Variants in CATSPERD observed in about 807,000 individuals in gnomAD.
The protein encoded by CATSPERD is cation channel sperm-associated auxiliary subunit delta.
CATSPERD carries 86 observed loss-of-function variants against 98.1 expected under a neutral mutation model. The observed-to-expected ratio is 0.88, with a 90% CI of 0.74 to 1.05. CATSPERD has a LOEUF of 1.05. Ranked by LOEUF, CATSPERD falls within the 50% of genes least tolerant of loss-of-function variation. The pLI, the probability that CATSPERD is intolerant of heterozygous loss-of-function variation, is 0.00. For missense variants in CATSPERD, 995 were observed against 1,005.7 expected (o/e 0.99, Z 0.14); for synonymous variants, 394 against 390.2 (o/e 1.01, Z -0.12).
rs1483931134 is a variant in CATSPERD at position 5,751,759 on chromosome 19, A to T, written c.1100A>T (p.Gln367Leu). 8.1e-6 allele frequency: 13 copies of T among 1,613,864 alleles called. No individual in the cohort carries two copies. The highest frequency in any genetic ancestry group is 1.1e-5 in the Non-Finnish European group (13 of 1,179,968). The change falls in exon 12 of 22, where the codon CAG becomes CTG. Residue 367 changes from glutamine to leucine, a missense_variant. Transcript: ENST00000381624. ...ACAGCCTTTCCAGCTTTTGATTTCC[A>T]GAAGTGCCTCGTGAATATCCAGGCG... ...RDTAFPAFDF[Q>L]KCLVNIQALL... is the part of the protein sequence containing the mutation.
intron 2 of CATSPERD, among the ~76,000 whole-genome samples, chr19:5,725,359 C>G (rs1164281922): frequency 6.6e-6 from 1 of 152,088 alleles, no homozygotes; most frequent in African/African-American, 2.4e-5. Context: ...CCATGTTGCC[C>G]AGGCTGGTCT....
intron 4 of CATSPERD, among the ~76,000 whole-genome samples, chr19:5,731,173 G>A (rs912297027): frequency 1.3e-5 from 2 of 151,276 alleles, no homozygotes; most frequent in African/African-American, 2.4e-5. Context: ...TTATACCATC[G>A]ACACCTATGC....
In CATSPERD at chr19:5,771,013, G is replaced by A; in HGVS notation, c.1704G>A (p.Gln568=). The change falls in exon 19 of 22, where the codon CAG becomes CAA. Residue 568 remains glutamine, a synonymous_variant. Coordinates refer to ENST00000381624, the MANE Select transcript of CATSPERD (RefSeq NM_152784.4). ...SEDLHVFYSY[Q]QLGCPLLVYY... is the part of the protein sequence containing the mutation. The stretch of plus-strand genomic sequence containing the variant: ...ACCTGCACGTGTTTTACTCCTACCA[G>A]CAGCTGGGCTGTCCTCTCCTCGTCT... 1 of 1,613,994 alleles carries A rather than the reference G, an allele frequency of 6.2e-7. No individual in the cohort carries two copies. Among genetic ancestry groups the A allele is most frequent in the Non-Finnish European group, 8.5e-7 (1 of 1,179,950 alleles).
At chr19:5,743,403 G>A (rs895853417) in intron 7 of CATSPERD, among the ~76,000 whole-genome samples, 4 of 151,998 alleles carry the variant, frequency 2.6e-5, no homozygotes, top group African/African-American at 9.7e-5. Flanking sequence ...TTTGAGACCA[G>A]CCTGGCCAAC....
rs2055439695 is a variant in CATSPERD, at chr19:5,720,731, C to G, written c.-7C>G. 4.4e-6 allele frequency: 7 copies of G among 1,605,968 alleles called. No homozygotes were observed. Among genetic ancestry groups the G allele is most frequent in the African/African-American group, 2.7e-5 (2 of 74,896 alleles). ...AGGGGCAGTGGTGGCGGCGGAAGCC[C>G]AAGTCGATGCTGATGTTGATGCTGG... On this transcript the variant is annotated 5_prime_UTR_variant, in exon 1 of 22. Transcript: ENST00000381624.
At chr19:5,776,048 C>A in intron 20 of CATSPERD, 113 bp from the exon 21 acceptor site, 2 of 1,143,440 alleles carry the variant, frequency 1.7e-6, no homozygotes, top group East Asian at 2.4e-5. Flanking sequence ...GAGTCCCACC[C>A]ATGCGTGCCT....
At position 5,742,147 on chromosome 19, in the gene CATSPERD, C is replaced by T. The variant is rs536950141; in HGVS notation, c.574-2280C>T. Among the ~76,000 whole-genome samples the T allele has an allele frequency of 6.5e-5, 7 of 107,922 alleles. No homozygotes were observed. The South Asian group carries it at 1.9e-3, about 29-fold the overall frequency. 70.8% of individuals were successfully genotyped at this position (107,922 alleles called of 152,430 possible). A position where few individuals can be genotyped will look rare whatever the true frequency, so the allele number is the denominator to read the frequency against. On this transcript the variant is annotated intron_variant, in intron 7 of 21. Coordinates refer to ENST00000381624, the MANE Select transcript of CATSPERD (RefSeq NM_152784.4). The stretch of plus-strand genomic sequence containing the variant: ...GTGTGTGCGTGTGTGCGCGTGTGTA[C>T]GTGTGTGAACGTGTGTGTGCGTGTG...
rs185022537 is a variant in CATSPERD at position 5,770,190 on chromosome 19, G to C, written c.1635-754G>C. Among the ~76,000 whole-genome samples, 335 of 151,870 alleles carry C rather than the reference G, an allele frequency of 2.2e-3. 3 individuals are homozygous for C. The highest frequency in any genetic ancestry group is 7.8e-3 in the African/African-American group (321 of 41,402). On this transcript the variant is annotated intron_variant, in intron 18 of 21. Coordinates refer to ENST00000381624, the MANE Select transcript of CATSPERD (RefSeq NM_152784.4). ...CCCCTGTAATCCCTGCACTTTGGGA[G>C]GCTGAAGTGGGTGGATCACCTGAAG...
At chr19:5,762,058 A>ATATATATATATATTTTTTTTTT in intron 15 of CATSPERD, among the ~76,000 whole-genome samples, 4 of 10,434 alleles carry the variant, frequency 3.8e-4, no homozygotes, top group African/African-American at 6.6e-4. Flanking sequence ...ATATATATAT[A>ATATATATATATATTTTTTTTTT]TTTTTTTTTT....
chr19:5,770,808 C>A (rs1248273294), intron 18 of CATSPERD, 136 bp from the exon 19 acceptor site: 1 of 1,011,196 alleles, frequency 9.9e-7, no homozygotes, highest in Non-Finnish European at 1.5e-6. Flanking sequence ...GGCTCTCAAT[C>A]GCCCACCTCA....
At chr19:5,771,583 CTTTTTT>C (rs143776994) in intron 19 of CATSPERD, among the ~76,000 whole-genome samples, 10 of 140,332 alleles carry the variant, frequency 7.1e-5, no homozygotes, top group African/African-American at 2.6e-4. Context: ...TCTTCCTGTT[CTTTTTT>C]TTTTTTTTTT....
chr19:5,732,517 C>T (rs2055746836), intron 4 of CATSPERD, among the ~76,000 whole-genome samples: 2 of 151,906 alleles, frequency 1.3e-5, no homozygotes, highest in Admixed American at 6.6e-5. Context: ...ACTGCAACCT[C>T]CACCTCCCGA....
At chr19:5,758,333 G>A (rs2145811758) in intron 14 of CATSPERD, among the ~76,000 whole-genome samples, 1 of 152,032 alleles carries the variant, frequency 6.6e-6, no homozygotes, top group East Asian at 1.9e-4. Flanking sequence ...TCCTCACTGT[G>A]GGTCCCCAGA....
At chr19:5,773,189 TA>T (rs2056682669) in intron 20 of CATSPERD, among the ~76,000 whole-genome samples, 1 of 152,098 alleles carries the variant, frequency 6.6e-6, no homozygotes, top group South Asian at 2.1e-4. Context: ...CCGTCTCTAC[TA>T]AAAATACAAA....
At chr19:5,739,497 TA>T in intron 7 of CATSPERD, 58 bp downstream of exon 7, 1 of 1,024,978 alleles carries the variant, frequency 9.8e-7, no homozygotes. Flanking sequence ...GTGATTGTAG[TA>T]ATTGCTGTCA....
chr19:5,727,150 G>C, intron 2 of CATSPERD, 118 bp from the exon 3 acceptor site: 1 of 689,874 alleles, frequency 1.4e-6, no homozygotes, highest in Admixed American at 2.4e-5. Context: ...AGCCAAGATT[G>C]TGCAACTGCA....
At chr19:5,740,762 C>CA (rs59937872) in intron 7 of CATSPERD, among the ~76,000 whole-genome samples, 2,132 of 34,436 alleles carry the variant, frequency 0.062, 79 homozygotes, top group Non-Finnish European at 0.075. Flanking sequence ...AACTCCGTCT[C>CA]AAAAAAAAAA....
At chr19:5,720,999 C>CT (rs754682545) in intron 1 of CATSPERD, among the ~76,000 whole-genome samples, 191 bp downstream of exon 1, 6,188 of 138,696 alleles carry the variant, frequency 0.045, 196 homozygotes, top group African/African-American at 0.069. Context: ...TCTCCTACCT[C>CT]TTTTTTTTTT....
In CATSPERD at chr19:5,739,342, T is replaced by C; in HGVS notation, c.476T>C (p.Val159Ala). ...SLFCVHVSNL[V>A]FAYFRGDQIS... ...TTTTTATAGCATGTCAGTAATTTGGTTTTTGCATATTTCCGTGGAGATCAG... is the reference window on the plus strand; with the variant it reads ...TTTTTATAGCATGTCAGTAATTTGGCTTTTGCATATTTCCGTGGAGATCAG... Residue 159 changes from valine (V) to alanine (A), a missense_variant, in exon 7 of 22, where the codon GTT (valine) becomes GCT (alanine). By Grantham distance (64) the Val-to-Ala change is moderately conservative. Transcript: ENST00000381624. 6.4e-7 allele frequency: 1 copy of C among 1,572,944 alleles called. No individual in the cohort carries two copies. The highest frequency in any genetic ancestry group is 8.7e-7 in the Non-Finnish European group (1 of 1,154,366).
Sources: gnomAD v4.1 joint callset for allele counts (sites outside exome capture counted in the v4.1 genomes callset) on GRCh38, gnomAD v4.1.1 for gene constraint, MANE v1.5 for transcripts, NCBI Gene and HGNC (gene_info 2026-07-23, HGNC 2026-07-21) for gene names.